Variants in FCRL2 observed in about 807,000 individuals in gnomAD.
FCRL2 encodes the protein Fc receptor like 2.
In FCRL2, 48 loss-of-function variants were observed where a neutral mutation model predicts 59.8. That is an observed-to-expected ratio of 0.80 (90% CI 0.64 to 1.02). The LOEUF is 1.02. FCRL2 is among the 50% of genes least tolerant of loss of function. FCRL2 has a pLI of 0.00. For synonymous variants in FCRL2, 251 were observed against 229.5 expected (o/e 1.09, Z -0.85); for missense variants, 658 against 597.3 (o/e 1.10, Z -1.06).
At chr1:157,770,769 A>G in intron 2 of FCRL2, 103 bp from the exon 3 acceptor site, 1 of 1,263,762 alleles carries the variant, frequency 7.9e-7, no homozygotes, top group Non-Finnish European at 1.1e-6. Context: ...ACTTCTTTAA[A>G]CAAGATGGAA....
chr1:157,752,013 T>C (rs573542049), intron 7 of FCRL2, among the ~76,000 whole-genome samples: 1 of 152,220 alleles, frequency 6.6e-6, no homozygotes, highest in South Asian at 2.1e-4. Context: ...ACCCTTTCCA[T>C]ATTGCAGAAG....
chr1:157,750,405 G>A (rs1648103533), intron 7 of FCRL2, among the ~76,000 whole-genome samples: 1 of 152,186 alleles, frequency 6.6e-6, no homozygotes, highest in African/African-American at 2.4e-5. Context: ...ACCCATGAGT[G>A]TATGTGTGTA....
rs1265985762 is a variant in FCRL2, at chr1:157,769,873, G to A, written c.588C>T (p.His196=). The change falls in exon 4 of 12, where the codon CAC becomes CAT. Residue 196 remains histidine, a synonymous_variant. Transcript: ENST00000361516. ...IRKQSLQSQI[H]VQRIPISNVS... ...AGCCTCACTGATACTTGCTCTGCAC[G>A]TGAATCTGGGATTGGAGGCTCTGTT... is the stretch of plus-strand genomic sequence containing the variant. 4.3e-6 allele frequency: 7 copies of A among 1,613,618 alleles called. No individual in the cohort carries two copies. Among genetic ancestry groups the A allele is most frequent in the Non-Finnish European group, 5.9e-6 (7 of 1,179,734 alleles).
intron 4 of FCRL2, chr1:157,769,519 C>G (rs1179383236): frequency 5.0e-6 from 1 of 200,598 alleles, no homozygotes; most frequent in African/African-American, 2.3e-5. Flanking sequence ...GCTCCACCTC[C>G]CAGGTTCACG....
rs754969665 is a variant in FCRL2 at position 157,768,656 on chromosome 1, C to T, written c.641G>A (p.Gly214Glu). 62 of 1,613,762 alleles carry T rather than the reference C, an allele frequency of 3.8e-5. No homozygotes were observed. In the East Asian group the frequency reaches 7.1e-4, roughly 19 times the overall value. ...CAGTTTTTGTCCTTCAGTCACCTGT[C>T]CCCCGGGGGCCCGGATCTCCAAGCT... ...NVSLEIRAPGGQVTEGQKLIL... is the reference protein window; with the variant it reads ...NVSLEIRAPGEQVTEGQKLIL... Residue 214 changes from glycine (G) to glutamate (E), a missense_variant, in exon 5 of 12, where the codon GGA becomes GAA. Coordinates refer to ENST00000361516, the MANE Select transcript of FCRL2 (RefSeq NM_030764.4).
In FCRL2 at chr1:157,749,103, A is replaced by G. The variant is rs149332169; in HGVS notation, c.1308-143T>C. ...GATTTTATGGCCCTTTGTGTAGACT[A>G]TCTACTTTGATATGGCCAAAACTTC... On this transcript the variant is annotated intron_variant, in intron 8 of 11. Coordinates refer to ENST00000361516, the MANE Select transcript of FCRL2 (RefSeq NM_030764.4). The G allele has an allele frequency of 8.6e-5, 52 of 604,952 alleles. No homozygotes were observed. The East Asian group carries it at 1.0e-3, about 12-fold the overall frequency. 37.5% of individuals were successfully genotyped at this position (604,952 alleles called of 1,614,324 possible).
At position 157,770,416 on chromosome 1, in the gene FCRL2, T is replaced by A; in HGVS notation, c.303A>T (p.Lys101Asn). 6.2e-7 allele frequency: 1 copy of A among 1,613,248 alleles called. No individual in the cohort carries two copies. Among genetic ancestry groups the A allele is most frequent in the Non-Finnish European group, 8.5e-7 (1 of 1,179,730 alleles). ...WDKTSNIVKI[K>N]VQELFQRPVL... ...CAGAAGTCAGGGTTTTACCTTGGAC[T>A]TTTATCTTTACTATATTTGAAGTTT... Residue 101 changes from lysine to asparagine, a missense_variant, in exon 3 of 12, where the codon AAA (lysine) becomes AAT (asparagine). By Grantham distance (94) the Lys-to-Asn change is moderately conservative. Coordinates refer to ENST00000361516, the MANE Select transcript of FCRL2 (RefSeq NM_030764.4).
chr1:157,759,337 AC>A (rs780198054), intron 7 of FCRL2, among the ~76,000 whole-genome samples: 2 of 152,138 alleles, frequency 1.3e-5, no homozygotes, highest in Non-Finnish European at 2.9e-5. Context: ...ACAGACTAAT[AC>A]AAAACTCTAG....
chr1:157,759,856 A>C (rs919984764), intron 7 of FCRL2, among the ~76,000 whole-genome samples: 2 of 152,260 alleles, frequency 1.3e-5, no homozygotes, highest in African/African-American at 4.8e-5. Context: ...AATGTAAATT[A>C]GTTCAGCCAC....
intron 7 of FCRL2, among the ~76,000 whole-genome samples, chr1:157,754,831 C>T (rs967024497): frequency 2.6e-5 from 4 of 151,662 alleles, no homozygotes; most frequent in East Asian, 3.9e-4. Context: ...CCAGTCACGG[C>T]GGTGCATGCC....
chr1:157,746,862 C>T lies in FCRL2; in HGVS notation c.1488+9G>A. Reference sequence around the variant, plus strand: ...GAAAGATGAAGAAATTCCAAGGTGTCTAGCTCACCTTGTTCTCCAGAAGTG... The same window carrying T: ...GAAAGATGAAGAAATTCCAAGGTGTTTAGCTCACCTTGTTCTCCAGAAGTG... On this transcript the variant is annotated intron_variant, in intron 11 of 11. Coordinates refer to ENST00000361516, the MANE Select transcript of FCRL2 (RefSeq NM_030764.4). 1 of 1,613,880 alleles carries T rather than the reference C, an allele frequency of 6.2e-7. No homozygotes were observed. Among genetic ancestry groups the T allele is most frequent in the South Asian group, 1.1e-5 (1 of 91,076 alleles).
At chr1:157,747,888 T>C (rs1647871263) in intron 10 of FCRL2, among the ~76,000 whole-genome samples, 1 of 152,230 alleles carries the variant, frequency 6.6e-6, no homozygotes, top group African/African-American at 2.4e-5. Context: ...AATGACCCTG[T>C]TCACCTGAGA....
intron 7 of FCRL2, among the ~76,000 whole-genome samples, chr1:157,758,955 A>G (rs181172844): frequency 6.6e-6 from 1 of 152,326 alleles, no homozygotes; most frequent in Non-Finnish European, 1.5e-5. Context: ...CTTAAATGTA[A>G]AACCTAAAAC....
rs1649729303 is a variant in FCRL2 at position 157,768,650 on chromosome 1, A to C, written c.647T>G (p.Val216Gly). 1.9e-6 allele frequency: 3 copies of C among 1,613,992 alleles called. No homozygotes were observed. The highest frequency in any genetic ancestry group is 1.1e-5 in the South Asian group (1 of 91,070). ...SLEIRAPGGQ[V>G]TEGQKLILLC... ...CAGGATCAGTTTTTGTCCTTCAGTC[A>C]CCTGTCCCCCGGGGGCCCGGATCTC... The change falls in exon 5 of 12, where the codon GTG (valine) becomes GGG (glycine). Residue 216 changes from valine (V) to glycine (G), a missense_variant. By Grantham distance (109) the Val-to-Gly change is moderately radical. Transcript: ENST00000361516.
Position 157,767,413 on chromosome 1 carries a change from G to C in FCRL2, c.980C>G (p.Ser327Cys). ...ATAAAATTGGTACAAGATTGGGGGA[G>C]AGCCTCTCAGGGCCTCACAGTGAAG... Reference protein sequence around the residue: ...LELHCEALRGSPPILYQFYHE... With the variant: ...LELHCEALRGCPPILYQFYHE... The change falls in exon 6 of 12, where the codon TCT becomes TGT. Residue 327 changes from serine to cysteine, a missense_variant. Coordinates refer to ENST00000361516, the MANE Select transcript of FCRL2 (RefSeq NM_030764.4). 1 of 1,614,216 alleles carries C rather than the reference G, an allele frequency of 6.2e-7. No individual in the cohort carries two copies. Among genetic ancestry groups the C allele is most frequent in the Non-Finnish European group, 8.5e-7 (1 of 1,180,024 alleles).
At chr1:157,747,094 C>G (rs1647805786) in intron 10 of FCRL2, among the ~76,000 whole-genome samples, 195 bp from the exon 11 acceptor site, 2 of 152,220 alleles carry the variant, frequency 1.3e-5, no homozygotes, top group African/African-American at 4.8e-5. Flanking sequence ...AAGCCCTCCA[C>G]CAGCACTTAC....
chr1:157,758,868 C>T (rs1405028099), intron 7 of FCRL2, among the ~76,000 whole-genome samples: 1 of 152,152 alleles, frequency 6.6e-6, no homozygotes, highest in Non-Finnish European at 1.5e-5. Context: ...GGATAACTGG[C>T]TAACCATATG....
chr1:157,770,722 C>A, intron 2 of FCRL2, 56 bp from the exon 3 acceptor site: 2 of 1,595,430 alleles, frequency 1.3e-6, no homozygotes, highest in South Asian at 2.3e-5. Context: ...CCCAGACAGA[C>A]TCCATTGGCA....
At chr1:157,751,949 T>C (rs140317314) in intron 7 of FCRL2, among the ~76,000 whole-genome samples, 133 of 151,998 alleles carry the variant, frequency 8.8e-4, no homozygotes, top group African/African-American at 3.0e-3. Flanking sequence ...ATGCCAGCCA[T>C]GGGGGTTTCA....
Sources: gnomAD v4.1 joint callset for allele counts (sites outside exome capture counted in the v4.1 genomes callset) on GRCh38, gnomAD v4.1.1 for gene constraint, MANE v1.5 for transcripts, NCBI Gene and HGNC (gene_info 2026-07-23, HGNC 2026-07-21) for gene names.